PLCL1: variants seen among roughly 807,000 people sequenced by gnomAD.
The protein encoded by PLCL1 is inactive phospholipase C-like protein 1.
A neutral mutation model predicts 84.4 loss-of-function variants in PLCL1; 41 were observed. That is an observed-to-expected ratio of 0.49 (90% CI 0.38 to 0.63). The LOEUF (loss-of-function observed/expected upper bound fraction) is 0.63. Ranked by LOEUF, PLCL1 falls within the 30% of genes least tolerant of loss-of-function variation. The pLI, the probability that PLCL1 is intolerant of heterozygous loss-of-function variation, is 0.00. For missense variants in PLCL1, 1,206 were observed against 1,367.8 expected, an observed-to-expected ratio of 0.88 and a Z score of 1.87; for synonymous variants, 490 against 488.3, an observed-to-expected ratio of 1.00 and a Z score of -0.05.
Position 198,149,583 on chromosome 2 carries a change from C to A in PLCL1, c.*2621C>A, listed in dbSNP as rs1339625058. 6.6e-6 allele frequency: 1 copy of A among 152,032 alleles called. No individual in the cohort carries two copies. Among genetic ancestry groups the A allele is most frequent in the Non-Finnish European group, 1.5e-5 (1 of 67,976 alleles). The allele number at this position is 152,032 out of a possible 1,614,324, so 9.4% of individuals were successfully genotyped here. The stretch of plus-strand genomic sequence containing the variant: ...ACTCTTACCTTTATAACCACAGATA[C>A]AAAGAACTGTATCATTTATTTTCTG... On this transcript the variant is annotated 3_prime_UTR_variant, in exon 6 of 6. Coordinates refer to ENST00000428675, the MANE Select transcript of PLCL1 (RefSeq NM_006226.4).
chr2:197,942,301 C>T (rs187512482), intron 1 of PLCL1, among the ~76,000 whole-genome samples: 5 of 152,232 alleles, frequency 3.3e-5, no homozygotes, highest in Non-Finnish European at 1.5e-5. Flanking sequence ...TAAAAAATTG[C>T]ATCTTGCCCC....
chr2:197,950,560 T>C (rs566759589), intron 1 of PLCL1, among the ~76,000 whole-genome samples: 1 of 152,244 alleles, frequency 6.6e-6, no homozygotes, highest in South Asian at 2.1e-4. Flanking sequence ...GAAGAAGCAA[T>C]AGAAGATTCA....
intron 1 of PLCL1, among the ~76,000 whole-genome samples, chr2:197,894,153 A>G (rs938595421): frequency 6.6e-6 from 1 of 151,960 alleles, no homozygotes; most frequent in Non-Finnish European, 1.5e-5. Flanking sequence ...CATCTTGTCT[A>G]TCCCCTGTCC....
At chr2:197,910,595 C>T (rs555182621) in intron 1 of PLCL1, among the ~76,000 whole-genome samples, 1 of 152,336 alleles carries the variant, frequency 6.6e-6, no homozygotes, top group Admixed American at 6.5e-5. Context: ...TGGTCAATTG[C>T]TTTGAAGCAG....
chr2:197,932,801 G>T (rs1688967560), intron 1 of PLCL1, among the ~76,000 whole-genome samples: 1 of 152,174 alleles, frequency 6.6e-6, no homozygotes, highest in Admixed American at 6.6e-5. Flanking sequence ...ATTAAAGCAG[G>T]ATTGGGAGAT....
chr2:198,140,041 T>C (rs563014650), intron 5 of PLCL1, among the ~76,000 whole-genome samples: 92 of 152,122 alleles, frequency 6.0e-4, no homozygotes, highest in Non-Finnish European at 5.0e-4. Context: ...TCAAGCAATT[T>C]TCCTGCCTCA....
chr2:197,917,254 G>T (rs1217819800), intron 1 of PLCL1, among the ~76,000 whole-genome samples: 1 of 152,064 alleles, frequency 6.6e-6, no homozygotes, highest in Non-Finnish European at 1.5e-5. Context: ...CAACAAAAAT[G>T]TCCTTTAATA....
chr2:197,862,368 C>T lies in PLCL1; in HGVS notation c.240+57029C>T, dbSNP rs138145658. On this transcript the variant is annotated intron_variant, in intron 1 of 5. Coordinates refer to ENST00000428675, the MANE Select transcript of PLCL1 (RefSeq NM_006226.4). ...TAAGAATAATAAGTGAAAAGAGATA[C>T]GGAAATAAAAGGAAAAGGAAGTACA... 2.1e-4 allele frequency among the ~76,000 whole-genome samples: 32 copies of T among 152,100 alleles called. No individual in the cohort carries two copies. In the Middle Eastern group the frequency reaches 0.01, roughly 49 times the overall value.
intron 4 of PLCL1, among the ~76,000 whole-genome samples, chr2:198,102,323 T>C (rs1693367236): frequency 6.6e-6 from 1 of 152,076 alleles, no homozygotes. Context: ...TAACCACATG[T>C]CACCCGTGAG....
intron 1 of PLCL1, among the ~76,000 whole-genome samples, chr2:197,959,759 C>T: frequency 6.6e-6 from 1 of 151,920 alleles, no homozygotes; most frequent in South Asian, 2.1e-4. Context: ...CAACAACAAA[C>T]AAGTGATGAT....
chr2:197,812,180 G>A (rs900650542), intron 1 of PLCL1, among the ~76,000 whole-genome samples: 2 of 152,206 alleles, frequency 1.3e-5, no homozygotes, highest in African/African-American at 4.8e-5. Context: ...ATTCCATAGT[G>A]TATGCTTCCC....
intron 1 of PLCL1, among the ~76,000 whole-genome samples, chr2:197,937,272 C>T (rs1689072077): frequency 6.6e-6 from 1 of 152,062 alleles, no homozygotes; most frequent in Non-Finnish European, 1.5e-5. Flanking sequence ...CTGTAATATC[C>T]TTTATGAATT....
At chr2:197,896,252 G>A (rs1048200884) in intron 1 of PLCL1, among the ~76,000 whole-genome samples, 7 of 151,818 alleles carry the variant, frequency 4.6e-5, no homozygotes, top group South Asian at 2.1e-4. Flanking sequence ...ACCAAATTCC[G>A]TATTAATTCA....
rs1443191984 is a variant in PLCL1 at position 198,085,202 on chromosome 2, C to G, written c.1685C>G (p.Ala562Gly). The change falls in exon 2 of 6, where the codon GCT becomes GGT. Residue 562 changes from alanine to glycine, a missense_variant. Coordinates refer to ENST00000428675, the MANE Select transcript of PLCL1 (RefSeq NM_006226.4). The surrounding 1 kb of genome is among the most constrained non-coding windows in gnomAD (Gnocchi z 5.3). ...GAAGTAACAGATGAAGATGAAGAAGCTGAAATGTCTCGAAGGATGTCGGTA... is the reference window on the plus strand; with the variant it reads ...GAAGTAACAGATGAAGATGAAGAAGGTGAAATGTCTCGAAGGATGTCGGTA... ...EGEVTDEDEEAEMSRRMSVDY... is the reference protein window; with the variant it reads ...EGEVTDEDEEGEMSRRMSVDY... 1 of 1,613,894 alleles carries G rather than the reference C, an allele frequency of 6.2e-7. No homozygotes were observed. Among genetic ancestry groups the G allele is most frequent in the Non-Finnish European group, 8.5e-7 (1 of 1,179,914 alleles).
intron 1 of PLCL1, among the ~76,000 whole-genome samples, chr2:197,877,428 G>A (rs1000871055): frequency 6.6e-6 from 1 of 151,990 alleles, no homozygotes; most frequent in Non-Finnish European, 1.5e-5. Context: ...TAAAATATTG[G>A]CCCATAGTAT....
At chr2:197,943,806 C>A (rs1689215326) in intron 1 of PLCL1, among the ~76,000 whole-genome samples, 1 of 152,082 alleles carries the variant, frequency 6.6e-6, no homozygotes, top group African/African-American at 2.4e-5. Flanking sequence ...TCTAAGTCTT[C>A]TAATATCCCC....
chr2:198,020,618 C>T (rs1691111052), intron 1 of PLCL1, among the ~76,000 whole-genome samples: 1 of 151,372 alleles, frequency 6.6e-6, no homozygotes, highest in Admixed American at 6.6e-5. Context: ...GTAAAACAGA[C>T]TTTATACCAA....
At chr2:198,066,773 C>T (rs551100381) in intron 1 of PLCL1, among the ~76,000 whole-genome samples, 4 of 152,166 alleles carry the variant, frequency 2.6e-5, no homozygotes, top group East Asian at 1.9e-4. Context: ...AGGATCTTCC[C>T]GTGCTGTTTC....
chr2:197,890,701 T>TATATATATATAC (rs11270566), intron 1 of PLCL1, among the ~76,000 whole-genome samples: 2,307 of 118,406 alleles, frequency 0.019, 95 homozygotes, highest in African/African-American at 0.073. Context: ...TATATATATA[T>TATATATATATAC]ACACACACAC....
Sources: gnomAD v4.1 joint callset for allele counts (sites outside exome capture counted in the v4.1 genomes callset) on GRCh38, gnomAD v4.1.1 for gene constraint, Gnocchi (gnomAD v3.1) non-coding constraint, MANE v1.5 for transcripts, NCBI Gene and HGNC (gene_info 2026-07-23, HGNC 2026-07-21) for gene names.